Variants in GPR161 observed in about 807,000 individuals in gnomAD.
GPR161 encodes the protein G protein-coupled receptor 161.
GPR161 carries 25 observed loss-of-function variants against 39.2 expected under a neutral mutation model. The observed-to-expected ratio is 0.64, with a 90% CI of 0.47 to 0.89. The LOEUF (loss-of-function observed/expected upper bound fraction) is 0.89, where lower values mean the gene tolerates loss of function less well. Among genes scored for constraint, GPR161 ranks in the 40% least tolerant of loss-of-function variants. The pLI, the probability that GPR161 is intolerant of heterozygous loss-of-function variation, is 0.00. For synonymous variants in GPR161, 286 were observed against 276.6 expected (o/e 1.03, Z -0.34); for missense variants, 547 against 677.8 (o/e 0.81, Z 2.14).
chr1:168,094,075 C>CA (rs1366356454), intron 3 of GPR161, among the ~76,000 whole-genome samples: 1 of 152,194 alleles, frequency 6.6e-6, no homozygotes, highest in African/African-American at 2.4e-5. Context: ...TGGGATGTGC[C>CA]AAACCAACCA....
chr1:168,120,380 T>G (rs1368207642), intron 1 of GPR161, among the ~76,000 whole-genome samples: 1 of 152,232 alleles, frequency 6.6e-6, no homozygotes, highest in Non-Finnish European at 1.5e-5. Context: ...ACCCAATGCC[T>G]GTACCCCCAT....
chr1:168,081,339 A>G lies in GPR161; in HGVS notation c.*4192T>C, dbSNP rs951238954. ...CAAATATGACAAAATTCCCAAGGCA[A>G]AAACCTTTAACACCTCCCATCTAGG... On this transcript the variant is annotated 3_prime_UTR_variant, in exon 6 of 6. Transcript: ENST00000682931. 1 of 152,178 alleles carries G rather than the reference A, an allele frequency of 6.6e-6. No individual in the cohort carries two copies. Among genetic ancestry groups the G allele is most frequent in the Non-Finnish European group, 1.5e-5 (1 of 68,056 alleles). The allele number at this position is 152,178 out of a possible 1,614,324, so 9.4% of individuals were successfully genotyped here. A position where few individuals can be genotyped will look rare whatever the true frequency, so the allele number is the denominator to read the frequency against.
chr1:168,092,485 A>T (rs1232833274), intron 3 of GPR161, among the ~76,000 whole-genome samples: 1 of 152,126 alleles, frequency 6.6e-6, no homozygotes, highest in East Asian at 1.9e-4. Context: ...GAGGGTGGAG[A>T]CAATTACCCT....
chr1:168,090,449 C>G, intron 4 of GPR161, 115 bp downstream of exon 4: 2 of 572,240 alleles, frequency 3.5e-6, no homozygotes, highest in Non-Finnish European at 6.4e-6. Context: ...CCCCACCCAC[C>G]GTGGGAAATG....
In GPR161 at chr1:168,098,678, C is replaced by T. The variant is rs1226512573; in HGVS notation, c.375-1446G>A. Among the ~76,000 whole-genome samples, 2 of 152,216 alleles carry T rather than the reference C, an allele frequency of 1.3e-5. No individual in the cohort carries two copies. Among genetic ancestry groups the T allele is most frequent in the African/African-American group, 4.8e-5 (2 of 41,448 alleles). ...GAGCCTGGGGCTGCTCTGAGCTGAG[C>T]CTTGAGCCCAGGCCAGGATCTATCC... On this transcript the variant is annotated intron_variant, in intron 2 of 5. Coordinates refer to ENST00000682931, the MANE Select transcript of GPR161 (RefSeq NM_001375883.1). This position sits in a 1 kb window ranked among gnomAD's most constrained non-coding sequence, Gnocchi z 4.1.
intron 1 of GPR161, among the ~76,000 whole-genome samples, chr1:168,130,861 A>T (rs535814157): frequency 1.6e-4 from 25 of 152,238 alleles, no homozygotes; most frequent in African/African-American, 6.0e-4. Flanking sequence ...TCTCTACCCT[A>T]GATAAAACAT....
rs553889609 is a variant in GPR161, at chr1:168,133,849, T to C, written c.-45+2890A>G. ...GGTAATACTTTTTTATCATGTTTTA[T>C]ATAATAGCAATAAACTATATATTCA... On this transcript the variant is annotated intron_variant, in intron 1 of 5. Coordinates refer to ENST00000682931, the MANE Select transcript of GPR161 (RefSeq NM_001375883.1). 3.1e-5 allele frequency: 24 copies of C among 775,748 alleles called. No individual in the cohort carries two copies. The South Asian group carries it at 1.2e-3, about 40-fold the overall frequency. 48.1% of individuals were successfully genotyped at this position (775,748 alleles called of 1,614,324 possible). A position where few individuals can be genotyped will look rare whatever the true frequency, so the allele number is the denominator to read the frequency against.
chr1:168,102,867 A>T (rs918874432), intron 2 of GPR161, among the ~76,000 whole-genome samples: 3 of 152,160 alleles, frequency 2.0e-5, no homozygotes, highest in African/African-American at 7.2e-5. Context: ...TAAAACAACA[A>T]GATCCCATTC....
rs552564753 is a variant in GPR161 at position 168,092,169 on chromosome 1, C to T, written c.1100-1501G>A. Reference sequence around the variant, plus strand: ...TGTAGGGAGCTGGGACCAGAAAGGCCCCAATCCTTTCCCCTGCACATGCCC... The same window carrying T: ...TGTAGGGAGCTGGGACCAGAAAGGCTCCAATCCTTTCCCCTGCACATGCCC... On this transcript the variant is annotated intron_variant, in intron 3 of 5. Transcript: ENST00000682931. 3.9e-5 allele frequency among the ~76,000 whole-genome samples: 6 copies of T among 152,240 alleles called. No individual in the cohort carries two copies. The South Asian group carries it at 1.2e-3, about 32-fold the overall frequency.
chr1:168,125,766 C>T (rs1237773432), intron 1 of GPR161, among the ~76,000 whole-genome samples: 6 of 152,076 alleles, frequency 3.9e-5, no homozygotes, highest in African/African-American at 1.2e-4. Context: ...TACAGGCACC[C>T]GCCACCAGGC....
chr1:168,117,272 C>T (rs984146283), intron 1 of GPR161, among the ~76,000 whole-genome samples: 18 of 152,174 alleles, frequency 1.2e-4, no homozygotes, highest in African/African-American at 4.3e-4. Flanking sequence ...TAATTATTAA[C>T]TAATAATGAC....
chr1:168,120,891 TCTTTC>T (rs2102232310), intron 1 of GPR161, among the ~76,000 whole-genome samples: 1 of 152,344 alleles, frequency 6.6e-6, no homozygotes, highest in African/African-American at 2.4e-5. Context: ...CAATTAAACC[TCTTTC>T]CTTTATAAAT....
At chr1:168,123,631 G>A (rs1698375915) in intron 1 of GPR161, among the ~76,000 whole-genome samples, 1 of 151,672 alleles carries the variant, frequency 6.6e-6, no homozygotes, top group Non-Finnish European at 1.5e-5. Flanking sequence ...CAAAGTGGTG[G>A]AAAGCTATCC....
At chr1:168,093,681 G>A (rs1360154508) in intron 3 of GPR161, among the ~76,000 whole-genome samples, 2 of 152,240 alleles carry the variant, frequency 1.3e-5, no homozygotes, top group African/African-American at 4.8e-5. Flanking sequence ...AGTGGCAGGG[G>A]AAGTGATTAG....
In GPR161 at chr1:168,136,119, C is replaced by T. The variant is rs1193558300; in HGVS notation, c.-45+620G>A. ...GAGTTCTCCCCTTTCCAAGAACCAGCCGAATCTCCCTCCCGCAGATCTGAG... is the reference window on the plus strand; with the variant it reads ...GAGTTCTCCCCTTTCCAAGAACCAGTCGAATCTCCCTCCCGCAGATCTGAG... On this transcript the variant is annotated intron_variant, in intron 1 of 5. Transcript: ENST00000682931. 2.4e-6 allele frequency: 3 copies of T among 1,260,760 alleles called. No homozygotes were observed. The East Asian group carries it at 9.5e-5, about 40-fold the overall frequency. 78.1% of individuals were successfully genotyped at this position (1,260,760 alleles called of 1,614,324 possible).
intron 2 of GPR161, among the ~76,000 whole-genome samples, chr1:168,097,644 T>C (rs780543376): frequency 1.2e-4 from 18 of 152,192 alleles, no homozygotes; most frequent in Non-Finnish European, 4.4e-5. Context: ...GTTGAAGGAC[T>C]ACGGGCTTCA....
chr1:168,088,488 G>T (rs1476265864), intron 4 of GPR161: 1 of 152,192 alleles, frequency 6.6e-6, no homozygotes, highest in Admixed American at 6.5e-5. Flanking sequence ...GTGATTACCC[G>T]ACATAGAGAA....
intron 1 of GPR161, chr1:168,136,289 A>C: frequency 2.8e-6 from 4 of 1,452,878 alleles, no homozygotes; most frequent in Non-Finnish European, 3.6e-6. Flanking sequence ...GAGGGGCGTG[A>C]CCGCTTCTCC....
rs1694321953 is a variant in GPR161 at position 168,084,863 on chromosome 1, C to T, written c.*668G>A. ...CCTTTTGAAATACCAAAGAACTTGT[C>T]AGTAGGGAAGTAGGCAGGGTGGGCC... On this transcript the variant is annotated 3_prime_UTR_variant, in exon 6 of 6. Transcript: ENST00000682931. 1 of 456,052 alleles carries T rather than the reference C, an allele frequency of 2.2e-6. No homozygotes were observed. Among genetic ancestry groups the T allele is most frequent in the Non-Finnish European group, 4.4e-6 (1 of 226,956 alleles). The allele number at this position is 456,052 out of a possible 1,614,324, so 28.3% of individuals were successfully genotyped here.
Sources: gnomAD v4.1 joint callset for allele counts (sites outside exome capture counted in the v4.1 genomes callset) on GRCh38, gnomAD v4.1.1 for gene constraint, Gnocchi (gnomAD v3.1) non-coding constraint, MANE v1.5 for transcripts, NCBI Gene and HGNC (gene_info 2026-07-23, HGNC 2026-07-21) for gene names.